The following OR4F6 variants were observed in gnomAD, a reference collection of about 807,000 sequenced individuals.
OR4F6 encodes the protein olfactory receptor 4F6.
A neutral mutation model predicts 15.9 loss-of-function variants in OR4F6; 13 were observed. That is an observed-to-expected ratio of 0.82 (90% CI 0.53 to 1.30). The LOEUF (loss-of-function observed/expected upper bound fraction) is 1.30. OR4F6 is among the 50% of genes most tolerant of loss of function. OR4F6 has a pLI of 0.00. For missense variants in OR4F6, 426 were observed against 367.2 expected, an observed-to-expected ratio of 1.16 and a Z score of -1.31; for synonymous variants, 150 against 133.8, an observed-to-expected ratio of 1.12 and a Z score of -0.83.
At chr15:101,803,579 A>C (rs1298319179) in intron 1 of OR4F6, 34 bp downstream of exon 1, 1 of 152,210 alleles carries the variant, frequency 6.6e-6, no homozygotes, top group African/African-American at 2.4e-5. Flanking sequence ...TCTTTGATGG[A>C]GATCAGAACT....
chr15:101,806,290 G>C lies in OR4F6; in HGVS notation c.571G>C (p.Glu191Gln). 6.2e-7 allele frequency: 1 copy of C among 1,613,928 alleles called. No individual in the cohort carries two copies. Among genetic ancestry groups the C allele is most frequent in the Non-Finnish European group, 8.5e-7 (1 of 1,179,874 alleles). ...TCGATTTATCAAACTGGCTTGCATA[G>C]AGACCTACACATTGGGATTCATGGT... ...LPRFIKLACI[E>Q]TYTLGFMVTA... Residue 191 changes from glutamate to glutamine, a missense_variant, in exon 2 of 2, where the codon GAG becomes CAG. Transcript: ENST00000328882.
In OR4F6 at chr15:101,806,141, G is replaced by T. The variant is rs780969891; in HGVS notation, c.422G>T (p.Cys141Phe). Residue 141 changes from cysteine (C) to phenylalanine (F), a missense_variant, in exon 2 of 2, where the codon TGC becomes TTC. Cys to Phe is a radical substitution (Grantham distance 205, BLOSUM62 -2). Coordinates refer to ENST00000328882, the MANE Select transcript of OR4F6 (RefSeq NM_001005326.2). ...CTGACCATCATGAACCCACAAAGGT[G>T]CATTTTGTTTTTAGTCATTTCCTGG... ...HYLTIMNPQRCILFLVISWII... is the reference protein window; with the variant it reads ...HYLTIMNPQRFILFLVISWII... The T allele has an allele frequency of 1.9e-6, 3 of 1,614,166 alleles. No homozygotes were observed. The East Asian group carries it at 6.7e-5, about 36-fold the overall frequency.
In OR4F6 at chr15:101,806,789, C is replaced by G. The variant is rs1902817369; in HGVS notation, c.*131C>G. The G allele has an allele frequency of 3.7e-6, 2 of 535,666 alleles. No individual in the cohort carries two copies. Among genetic ancestry groups the G allele is most frequent in the Middle Eastern group, 5.1e-4 (1 of 1,978 alleles). 33.2% of individuals were successfully genotyped at this position (535,666 alleles called of 1,614,324 possible). ...GTATTGTGTTGTCTTTTTTTTCTTC[C>G]CAAATTGAATTGTGGTATCAATCTC... On this transcript the variant is annotated 3_prime_UTR_variant, in exon 2 of 2. Coordinates refer to ENST00000328882, the MANE Select transcript of OR4F6 (RefSeq NM_001005326.2).
In OR4F6 at chr15:101,806,147, T is replaced by A; in HGVS notation, c.428T>A (p.Leu143Ter). The part of the protein sequence containing the change: ...LTIMNPQRCI[L>*]FLVISWIIGI... ...ATCATGAACCCACAAAGGTGCATTTTGTTTTTAGTCATTTCCTGGATTATA... is the reference window on the plus strand; with the variant it reads ...ATCATGAACCCACAAAGGTGCATTTAGTTTTTAGTCATTTCCTGGATTATA... Residue 143 changes from leucine (L) to a stop codon, truncating the protein, a stop_gained, in exon 2 of 2, where the codon TTG becomes TAG. Coordinates refer to ENST00000328882, the MANE Select transcript of OR4F6 (RefSeq NM_001005326.2). LOFTEE classifies it high-confidence loss of function. 6.2e-7 allele frequency: 1 copy of A among 1,614,232 alleles called. No individual in the cohort carries two copies. The highest frequency in any genetic ancestry group is 1.3e-5 in the African/African-American group (1 of 75,064).
At chr15:101,804,587 G>T (rs1275516788) in intron 1 of OR4F6, among the ~76,000 whole-genome samples, 4 of 152,170 alleles carry the variant, frequency 2.6e-5, no homozygotes, top group Non-Finnish European at 4.4e-5. Flanking sequence ...TTTTCCTTTT[G>T]TAAGAGTGAG....
chr15:101,804,763 T>G (rs1162286422), intron 1 of OR4F6, among the ~76,000 whole-genome samples: 1 of 152,218 alleles, frequency 6.6e-6, no homozygotes, highest in African/African-American at 2.4e-5. Flanking sequence ...AAGGCAGTAG[T>G]ACCAACAATG....
chr15:101,805,702 T>C lies in OR4F6; in HGVS notation c.-18T>C. On this transcript the variant is annotated 5_prime_UTR_variant, in exon 2 of 2. Coordinates refer to ENST00000328882, the MANE Select transcript of OR4F6 (RefSeq NM_001005326.2). ...CCTCTTTCAGTTAGCATGAGAGTTG[T>C]CACAGCCGACAGAGGCAATGGATGA... 6.3e-7 allele frequency: 1 copy of C among 1,585,216 alleles called. No homozygotes were observed. The highest frequency in any genetic ancestry group is 2.2e-5 in the East Asian group (1 of 44,640).
At chr15:101,803,877 A>G (rs1596369824) in intron 1 of OR4F6, among the ~76,000 whole-genome samples, 1 of 152,330 alleles carries the variant, frequency 6.6e-6, no homozygotes, top group East Asian at 1.9e-4. Context: ...ACAATGCTAA[A>G]CAAACTAGTT....
Position 101,806,013 on chromosome 15 carries a change from A to T in OR4F6, c.294A>T (p.Val98=). 6.2e-7 allele frequency: 1 copy of T among 1,614,162 alleles called. No homozygotes were observed. The highest frequency in any genetic ancestry group is 8.5e-7 in the Non-Finnish European group (1 of 1,180,016). Residue 98 remains valine (V), a synonymous_variant, in exon 2 of 2, where the codon GTA becomes GTT. Coordinates refer to ENST00000328882, the MANE Select transcript of OR4F6 (RefSeq NM_001005326.2). ...AGACCATCTCTTTTGGGGGCTGTGT[A>T]GTTCAGATCTTCTTTATCCATGCAG... ...KHKTISFGGC[V]VQIFFIHAVG...
chr15:101,806,493 T>C lies in OR4F6; in HGVS notation c.774T>C (p.Tyr258=). The C allele has an allele frequency of 6.2e-7, 1 of 1,614,028 alleles. No individual in the cohort carries two copies. The highest frequency in any genetic ancestry group is 1.1e-5 in the South Asian group (1 of 90,978). The change falls in exon 2 of 2, where the codon TAT becomes TAC. Residue 258 remains tyrosine, a synonymous_variant. Transcript: ENST00000328882. The part of the protein sequence containing the change: ...VLVFGPLIFF[Y]IFPFPTSHLD... ...TCTTTGGGCCATTAATCTTTTTCTATATTTTTCCATTTCCCACATCACATC... is the reference window on the plus strand; with the variant it reads ...TCTTTGGGCCATTAATCTTTTTCTACATTTTTCCATTTCCCACATCACATC...
chr15:101,803,841 T>G (rs752194040), intron 1 of OR4F6, among the ~76,000 whole-genome samples: 1 of 152,190 alleles, frequency 6.6e-6, no homozygotes, highest in Non-Finnish European at 1.5e-5. Flanking sequence ...TTGAGTCCAG[T>G]GCAAGTAAAA....
rs373243032 is a variant in OR4F6 at position 101,805,871 on chromosome 15, C to T, written c.152C>T (p.Ser51Phe). The T allele has an allele frequency of 1.0e-4, 169 of 1,614,028 alleles. No individual in the cohort carries two copies. The highest frequency in any genetic ancestry group is 1.3e-4 in the Non-Finnish European group (158 of 1,180,028). Residue 51 changes from serine (S) to phenylalanine (F), a missense_variant, in exon 2 of 2, where the codon TCT becomes TTT. Coordinates refer to ENST00000328882, the MANE Select transcript of OR4F6 (RefSeq NM_001005326.2). ...CTCCTCATTGTGCTAACTGTGACCT[C>T]TGACCCTCGTTTACAGTCCCCCATG... ...GNLLIVLTVT[S>F]DPRLQSPMYF... is the part of the protein sequence containing the mutation.
At chr15:101,804,581 C>T (rs951726249) in intron 1 of OR4F6, among the ~76,000 whole-genome samples, 1 of 152,100 alleles carries the variant, frequency 6.6e-6, no homozygotes, top group African/African-American at 2.4e-5. Flanking sequence ...AATCTTTTTT[C>T]CTTTTGTAAG....
Position 101,806,329 on chromosome 15 carries a change from G to T in OR4F6, c.610G>T (p.Gly204Ter), listed in dbSNP as rs767930960. 1 of 1,613,824 alleles carries T rather than the reference G, an allele frequency of 6.2e-7. No homozygotes were observed. The highest frequency in any genetic ancestry group is 8.5e-7 in the Non-Finnish European group (1 of 1,179,760). ...GGGATTCATGGTTACTGCCAATAGT[G>T]GATTTATTTCTCTGGCTTCTTTTTT... ...TLGFMVTANS[G>*]FISLASFLIL... The change falls in exon 2 of 2, where the codon GGA becomes TGA. Residue 204 changes from glycine (G) to a stop codon, truncating the protein, a stop_gained. Coordinates refer to ENST00000328882, the MANE Select transcript of OR4F6 (RefSeq NM_001005326.2). LOFTEE classifies it high-confidence loss of function.
In OR4F6 at chr15:101,805,782, G is replaced by A; in HGVS notation, c.63G>A (p.Arg21=). 1 of 1,614,108 alleles carries A rather than the reference G, an allele frequency of 6.2e-7. No individual in the cohort carries two copies. The highest frequency in any genetic ancestry group is 8.5e-7 in the Non-Finnish European group (1 of 1,180,014). The change falls in exon 2 of 2, where the codon CGG becomes CGA. Residue 21 remains arginine (R), a synonymous_variant. Transcript: ENST00000328882. ...TGTTCCTGGGACTCTCTGACTCGCGGAAGATCCAGCTCCTCCTCTTCCTCT... is the reference window on the plus strand; with the variant it reads ...TGTTCCTGGGACTCTCTGACTCGCGAAAGATCCAGCTCCTCCTCTTCCTCT... ...EFVFLGLSDS[R]KIQLLLFLFF... is the part of the protein sequence containing the mutation.
rs780136606 is a variant in OR4F6 at position 101,805,916 on chromosome 15, T to G, written c.197T>G (p.Leu66Arg). 1 of 1,614,140 alleles carries G rather than the reference T, an allele frequency of 6.2e-7. No homozygotes were observed. The highest frequency in any genetic ancestry group is 8.5e-7 in the Non-Finnish European group (1 of 1,180,020). Residue 66 changes from leucine (L) to arginine (R), a missense_variant, in exon 2 of 2, where the codon CTT becomes CGT. Physicochemically the swap from Leu to Arg is moderately radical, Grantham distance 102. Coordinates refer to ENST00000328882, the MANE Select transcript of OR4F6 (RefSeq NM_001005326.2). ...CCCATGTACTTCCTGCTGGCCAACC[T>G]TTCCATCATCAATTTGGTATTTTGT... The part of the protein sequence containing the change: ...QSPMYFLLAN[L>R]SIINLVFCSS...
chr15:101,806,103 G>A lies in OR4F6; in HGVS notation c.384G>A (p.Lys128=), dbSNP rs1902797766. The A allele has an allele frequency of 6.2e-7, 1 of 1,614,176 alleles. No homozygotes were observed. ...MAFDRYVAIC[K]PLHYLTIMNP... is the part of the protein sequence containing the mutation. ...TTGACCGATATGTGGCCATATGTAA[G>A]CCTCTCCACTACCTGACCATCATGA... The change falls in exon 2 of 2, where the codon AAG becomes AAA. Residue 128 remains lysine (K), a synonymous_variant. Coordinates refer to ENST00000328882, the MANE Select transcript of OR4F6 (RefSeq NM_001005326.2).
In OR4F6 at chr15:101,806,064, C is replaced by T. The variant is rs1902796570; in HGVS notation, c.345C>T (p.Leu115=). ...HAVGGTEMVL[L]IAMAFDRYVA... ...TTGGGGGAACTGAGATGGTGCTGCTCATAGCCATGGCTTTTGACCGATATG... is the reference window on the plus strand; with the variant it reads ...TTGGGGGAACTGAGATGGTGCTGCTTATAGCCATGGCTTTTGACCGATATG... Residue 115 remains leucine, a synonymous_variant, in exon 2 of 2, where the codon CTC becomes CTT. Transcript: ENST00000328882. 3 of 1,614,018 alleles carry T rather than the reference C, an allele frequency of 1.9e-6. No homozygotes were observed. Among genetic ancestry groups the T allele is most frequent in the African/African-American group, 1.3e-5 (1 of 74,924 alleles).
chr15:101,804,443 C>G (rs1596370000), intron 1 of OR4F6, among the ~76,000 whole-genome samples: 2 of 152,246 alleles, frequency 1.3e-5, no homozygotes, highest in Middle Eastern at 6.8e-3. Context: ...TCTGGAGTAT[C>G]TTTTTTTGTT....
Sources: allele counts gnomAD v4.1 joint callset (sites outside exome capture counted in the v4.1 genomes callset), GRCh38; gene constraint gnomAD v4.1.1; transcripts MANE v1.5; gene names NCBI Gene and HGNC (gene_info 2026-07-23, HGNC 2026-07-21).